CNTNAP2: variants seen among roughly 807,000 people sequenced by gnomAD.
CNTNAP2 encodes contactin associated protein 2.
A neutral mutation model predicts 155.2 loss-of-function variants in CNTNAP2; 98 were observed. That is an observed-to-expected ratio of 0.63 (90% CI 0.54 to 0.75). CNTNAP2 has a LOEUF of 0.75. Among genes scored for constraint, CNTNAP2 ranks in the 30% least tolerant of loss-of-function variants. The probability of loss-of-function intolerance (pLI) is 0.00; values close to 1 mark genes in which losing one functional copy is unlikely to be tolerated. For synonymous variants in CNTNAP2, 651 were observed against 631.2 expected (o/e 1.03, Z -0.47); for missense variants, 1,727 against 1,688.1 (o/e 1.02, Z -0.40).
chr7:146,806,303 C>A (rs1802965576), intron 2 of CNTNAP2, among the ~76,000 whole-genome samples: 1 of 150,628 alleles, frequency 6.6e-6, no homozygotes, highest in Admixed American at 6.6e-5. Context: ...CCAACCTGAT[C>A]AACATTGTGA....
chr7:146,504,779 G>A (rs145849162), intron 1 of CNTNAP2, among the ~76,000 whole-genome samples: 34 of 152,236 alleles, frequency 2.2e-4, no homozygotes, highest in African/African-American at 8.2e-4. Flanking sequence ...CAGGTAGAGC[G>A]GCCAATCCTG....
intron 13 of CNTNAP2, among the ~76,000 whole-genome samples, chr7:147,769,554 G>T (rs1797435386): frequency 6.6e-6 from 1 of 152,086 alleles, no homozygotes; most frequent in South Asian, 2.1e-4. Context: ...AAATTTTGAT[G>T]GAATAAGTGG....
intron 17 of CNTNAP2, among the ~76,000 whole-genome samples, chr7:148,158,712 A>T (rs1805454097): frequency 1.3e-5 from 2 of 152,242 alleles, no homozygotes; most frequent in African/African-American, 2.4e-5. Context: ...CAAATGCTTC[A>T]GGAACTCTGG....
intron 1 of CNTNAP2, among the ~76,000 whole-genome samples, chr7:146,420,469 A>G (rs369901119): frequency 2.6e-5 from 4 of 152,148 alleles, no homozygotes; most frequent in African/African-American, 9.6e-5. Flanking sequence ...ACATTTTTCA[A>G]TCTAAGTTTT....
rs771490764 is a variant in CNTNAP2 at position 148,383,779 on chromosome 7, C to G, written c.3606C>G (p.His1202Gln). The G allele has an allele frequency of 1.2e-6, 2 of 1,614,216 alleles. No homozygotes were observed. The highest frequency in any genetic ancestry group is 1.7e-6 in the Non-Finnish European group (2 of 1,180,038). The change falls in exon 22 of 24, where the codon CAC (histidine) becomes CAG (glutamine). Residue 1202 changes from histidine (H) to glutamine (Q), a missense_variant. Transcript: ENST00000361727. The stretch of plus-strand genomic sequence containing the variant: ...TGAGGCAGACAAACGCCTCGGCTCA[C>G]GTCCACATCCAGGGCGAGCTGGTGG... Reference protein sequence around the residue: ...AALRQTNASAHVHIQGELVES... With the variant: ...AALRQTNASAQVHIQGELVES...
At chr7:147,661,424 T>A (rs28690167) in intron 13 of CNTNAP2, among the ~76,000 whole-genome samples, 5 of 152,152 alleles carry the variant, frequency 3.3e-5, no homozygotes, top group African/African-American at 1.2e-4. Context: ...TTCACTGAAC[T>A]CATGGGTAGT....
chr7:147,472,481 G>C (rs1798242448), intron 10 of CNTNAP2, among the ~76,000 whole-genome samples: 1 of 151,994 alleles, frequency 6.6e-6, no homozygotes, highest in African/African-American at 2.4e-5. Context: ...CCAAAGTTCT[G>C]GGATTACAGG....
rs183282756 is a variant in CNTNAP2, at chr7:147,725,782, A to G, written c.2098+86476A>G. ...CCAACACGAGACTTCCTGTATTCCC[A>G]CTCTGCTTCTACCACAAACCAGTTT... On this transcript the variant is annotated intron_variant, in intron 13 of 23. Transcript: ENST00000361727. Among the ~76,000 whole-genome samples, 7 of 152,076 alleles carry G rather than the reference A, an allele frequency of 4.6e-5. No individual in the cohort carries two copies. In the East Asian group the frequency reaches 1.4e-3, roughly 30 times the overall value.
chr7:147,619,039 A>G (rs150802980), intron 12 of CNTNAP2, among the ~76,000 whole-genome samples: 1 of 152,208 alleles, frequency 6.6e-6, no homozygotes, highest in African/African-American at 2.4e-5. Flanking sequence ...CAGTGTTTCA[A>G]ATATACCATT....
intron 18 of CNTNAP2, among the ~76,000 whole-genome samples, chr7:148,210,930 T>C (rs1207754888): frequency 6.6e-6 from 1 of 152,234 alleles, no homozygotes; most frequent in East Asian, 1.9e-4. Context: ...AAAAACTGGT[T>C]GTGTTTCAGC....
At chr7:147,712,903 A>T (rs930070752) in intron 13 of CNTNAP2, among the ~76,000 whole-genome samples, 1 of 152,158 alleles carries the variant, frequency 6.6e-6, no homozygotes, top group Non-Finnish European at 1.5e-5. Flanking sequence ...TAATAAAAAA[A>T]TTTTTAAAAA....
At chr7:147,770,075 T>A (rs1439393953) in intron 13 of CNTNAP2, among the ~76,000 whole-genome samples, 1 of 152,154 alleles carries the variant, frequency 6.6e-6, no homozygotes, top group Non-Finnish European at 1.5e-5. Flanking sequence ...TATACACCTG[T>A]CCTTTTGAGC....
At chr7:148,100,624 C>A (rs373471959) in intron 15 of CNTNAP2, among the ~76,000 whole-genome samples, 3 of 152,304 alleles carry the variant, frequency 2.0e-5, no homozygotes, top group South Asian at 2.1e-4. Context: ...TAACAACATA[C>A]AATGGACAAT....
rs1199494009 is a variant in CNTNAP2, at chr7:147,472,220, T to A, written c.1671-13715T>A. Among the ~76,000 whole-genome samples, 3 of 141,924 alleles carry A rather than the reference T, an allele frequency of 2.1e-5. No homozygotes were observed. In the East Asian group the frequency reaches 6.1e-4, roughly 29 times the overall value. 93.1% of individuals were successfully genotyped at this position (141,924 alleles called of 152,430 possible). On this transcript the variant is annotated intron_variant, in intron 10 of 23. Transcript: ENST00000361727. ...CTTTTTTTCCTTTTTTTTTTTTTTT[T>A]TTTTTTTTTTGAGACTGAGTCTCAC...
chr7:146,866,759 AG>A (rs1795212779), intron 3 of CNTNAP2, among the ~76,000 whole-genome samples: 1 of 152,102 alleles, frequency 6.6e-6, no homozygotes, highest in African/African-American at 2.4e-5. Context: ...TTTGTAATAG[AG>A]CAGAGTTGGA....
chr7:148,114,983 T>C (rs1804435036), intron 15 of CNTNAP2, among the ~76,000 whole-genome samples: 1 of 152,216 alleles, frequency 6.6e-6, no homozygotes, highest in East Asian at 1.9e-4. Flanking sequence ...CTGGATTTAA[T>C]AAGCTCATCC....
At chr7:147,518,368 G>GTAGACCACT (rs1459496732) in intron 11 of CNTNAP2, among the ~76,000 whole-genome samples, 1 of 152,138 alleles carries the variant, frequency 6.6e-6, no homozygotes, top group Non-Finnish European at 1.5e-5. Flanking sequence ...AGAGAAGGTG[G>GTAGACCACT]TAGACCACTA....
At chr7:147,347,761 C>T (rs75773086) in intron 9 of CNTNAP2, among the ~76,000 whole-genome samples, 5 of 152,040 alleles carry the variant, frequency 3.3e-5, no homozygotes, top group Admixed American at 2.0e-4. Flanking sequence ...AGAGGCTTTG[C>T]GTTACCTGAC....
Position 147,334,383 on chromosome 7 carries a change from C to T in CNTNAP2, c.1498+34093C>T, listed in dbSNP as rs959594538. On this transcript the variant is annotated intron_variant, in intron 9 of 23. Transcript: ENST00000361727. ...AAATTATTGGAAAAATAACCAATAACTGTTGACTGTAGTTCTTCCCTTGCC... is the reference window on the plus strand; with the variant it reads ...AAATTATTGGAAAAATAACCAATAATTGTTGACTGTAGTTCTTCCCTTGCC... Among the ~76,000 whole-genome samples the T allele has an allele frequency of 3.3e-5, 5 of 152,196 alleles. No homozygotes were observed. In the South Asian group the frequency reaches 6.2e-4, roughly 19 times the overall value.
Sources: allele counts gnomAD v4.1 joint callset (sites outside exome capture counted in the v4.1 genomes callset), GRCh38; gene constraint gnomAD v4.1.1; transcripts MANE v1.5; gene names NCBI Gene and HGNC (gene_info 2026-07-23, HGNC 2026-07-21).